STS: variants seen among roughly 807,000 people sequenced by gnomAD.
The protein encoded by STS is steryl-sulfatase.
STS carries 7 observed loss-of-function variants against 26.8 expected under a neutral mutation model. The observed-to-expected ratio is 0.26, with a 90% CI of 0.15 to 0.49. STS has a LOEUF of 0.49. STS is among the 20% of genes least tolerant of loss of function. STS has a pLI of 0.98. For missense variants in STS, 434 were observed against 465.6 expected (o/e 0.93, Z 0.63); for synonymous variants, 199 against 189.4 (o/e 1.05, Z -0.42).
At chrX:7,228,088 A>G (rs1921897134) in intron 2 of STS, among the ~76,000 whole-genome samples, 1 of 111,721 alleles carries the variant, frequency 9.0e-6, no homozygotes, top group Admixed American at 9.5e-5. Context: ...TTGTATGTAT[A>G]GACCATGTTT....
chrX:7,204,616 C>G (rs1016041040), intron 2 of STS, among the ~76,000 whole-genome samples: 1 of 101,158 alleles, frequency 9.9e-6, no homozygotes, highest in Admixed American at 1.1e-4. Flanking sequence ...TCTTCCTTCC[C>G]TTCCTTCTTC....
intron 9 of STS, among the ~76,000 whole-genome samples, chrX:7,328,372 G>A (rs1328639678): frequency 9.0e-6 from 1 of 111,280 alleles, no homozygotes; most frequent in African/African-American, 3.3e-5. Flanking sequence ...TCTAGTCTGA[G>A]GCTGATGGAG....
intron 2 of STS, among the ~76,000 whole-genome samples, chrX:7,245,676 A>G (rs1922832128): frequency 1.8e-5 from 2 of 112,527 alleles, no homozygotes; most frequent in Non-Finnish European, 3.8e-5. Flanking sequence ...AGGGAAGATT[A>G]AACGCAAAAT....
chrX:7,261,466 T>C (rs1923744252), intron 6 of STS, among the ~76,000 whole-genome samples: 1 of 112,088 alleles, frequency 8.9e-6, no homozygotes, highest in African/African-American at 3.2e-5. Context: ...AGTTAAGGTA[T>C]GTGGAAGCTA....
chrX:7,191,127 G>A, intron 2 of STS, 119 bp downstream of exon 2: 1 of 293,649 alleles, frequency 3.4e-6, no homozygotes, highest in South Asian at 1.8e-4. Flanking sequence ...ATGGTATTGA[G>A]GACATTCTGT....
intron 1 of STS, among the ~76,000 whole-genome samples, chrX:7,162,792 A>G (rs781087103): frequency 1.9e-4 from 20 of 106,345 alleles, no homozygotes; most frequent in African/African-American, 6.9e-4. Flanking sequence ...CACGCCTGTA[A>G]TCCCAGCACT....
intron 1 of STS, among the ~76,000 whole-genome samples, chrX:7,155,193 C>T (rs1385883785): frequency 8.9e-6 from 1 of 111,862 alleles, no homozygotes; most frequent in East Asian, 2.8e-4. Context: ...ACAACAGTTC[C>T]CAAACTTACT....
intron 2 of STS, chrX:7,219,537 T>C (rs1363258231): frequency 6.7e-6 from 8 of 1,189,413 alleles, no homozygotes; most frequent in South Asian, 1.8e-5. Flanking sequence ...ATTGGCCTGC[T>C]TCAAAGCAGA....
At chrX:7,305,856 A>G (rs752207747) in intron 8 of STS, among the ~76,000 whole-genome samples, 1 of 111,944 alleles carries the variant, frequency 8.9e-6, no homozygotes, top group Admixed American at 9.5e-5. Context: ...ATCCCACATC[A>G]TCTTCCCATC....
At chrX:7,289,990 A>G (rs1323204741) in intron 7 of STS, among the ~76,000 whole-genome samples, 1 of 111,809 alleles carries the variant, frequency 8.9e-6, no homozygotes, top group Admixed American at 9.5e-5. Flanking sequence ...GCTAGGAAAA[A>G]GAAGGAGGCA....
rs1382071871 is a variant in STS, at chrX:7,299,073, A to AT, written c.944-5973_944-5972insT. 2.7e-3 allele frequency among the ~76,000 whole-genome samples: 255 copies of AT among 93,227 alleles called. 1 individual carries two copies. The highest frequency in any genetic ancestry group is 9.8e-3 in the African/African-American group (249 of 25,453). 81.0% of individuals were successfully genotyped at this position (93,227 alleles called of 115,157 possible). ...TAAATAAATATATTTATTTATATAT[A>AT]AATTATTTTATAATAATTATGTTAT... On this transcript the variant is annotated intron_variant, in intron 7 of 10. Coordinates refer to ENST00000674429, the MANE Select transcript of STS (RefSeq NM_001320752.2).
chrX:7,333,836 G>A, intron 9 of STS, 150 bp from the exon 10 acceptor site: 1 of 675,426 alleles, frequency 1.5e-6, no homozygotes, highest in Non-Finnish European at 2.3e-6. Flanking sequence ...GACAGAGCTG[G>A]GATCAGTGTG....
intron 2 of STS, among the ~76,000 whole-genome samples, chrX:7,196,849 C>T (rs1246367108): frequency 9.0e-6 from 1 of 111,244 alleles, no homozygotes; most frequent in Admixed American, 9.6e-5. Context: ...CAAGGTCTCC[C>T]TCTCACCACC....
intron 8 of STS, among the ~76,000 whole-genome samples, chrX:7,320,647 T>C (rs1869703368): frequency 8.9e-6 from 1 of 111,813 alleles, no homozygotes; most frequent in Non-Finnish European, 1.9e-5. Context: ...GAAGGAAAAC[T>C]AGACAGTAAT....
intron 10 of STS, among the ~76,000 whole-genome samples, chrX:7,344,754 T>A (rs186907474): frequency 3.2e-4 from 36 of 111,778 alleles, no homozygotes; most frequent in Non-Finnish European, 5.5e-4. Flanking sequence ...CTTTAGCCGC[T>A]GTGGGTTAGA....
intron 1 of STS, among the ~76,000 whole-genome samples, chrX:7,167,035 T>C (rs953580129): frequency 9.0e-6 from 1 of 111,137 alleles, no homozygotes; most frequent in Non-Finnish European, 1.9e-5. Flanking sequence ...TTAAAACAAA[T>C]ACCCATTGAG....
intron 2 of STS, among the ~76,000 whole-genome samples, chrX:7,222,430 G>A (rs1921609977): frequency 9.6e-6 from 1 of 104,452 alleles, no homozygotes. Context: ...TGTGTCAAGG[G>A]CATCTCTGCT....
intron 3 of STS, among the ~76,000 whole-genome samples, chrX:7,254,757 G>T (rs772222587): frequency 6.2e-4 from 68 of 108,886 alleles, no homozygotes; most frequent in South Asian, 1.2e-3. Context: ...CTAATTTTTT[G>T]TATTTTTTGA....
intron 8 of STS, among the ~76,000 whole-genome samples, chrX:7,314,827 G>A (rs1430724919): frequency 1.8e-5 from 2 of 112,134 alleles, no homozygotes; most frequent in Admixed American, 9.5e-5. Flanking sequence ...AAAGAGGTGG[G>A]AAAGTGAGAA....
Sources: allele counts gnomAD v4.1 joint callset (sites outside exome capture counted in the v4.1 genomes callset), GRCh38; gene constraint gnomAD v4.1.1; transcripts MANE v1.5; gene names NCBI Gene and HGNC (gene_info 2026-07-23, HGNC 2026-07-21).